NLRP13: variants seen among roughly 807,000 people sequenced by gnomAD.
The protein encoded by NLRP13 is NLR family pyrin domain containing 13.
Under a neutral mutation model 94.4 loss-of-function variants are expected in NLRP13, and 82 were observed. That is an observed-to-expected ratio of 0.87 (90% CI 0.73 to 1.04). The LOEUF is 1.04. Among genes scored for constraint, NLRP13 ranks in the 50% least tolerant of loss-of-function variants. The probability of loss-of-function intolerance (pLI) is 0.00; values close to 1 mark genes in which losing one functional copy is unlikely to be tolerated. For synonymous variants in NLRP13, 553 were observed against 464.7 expected, an observed-to-expected ratio of 1.19 and a Z score of -2.45; for missense variants, 1,426 against 1,230.8, an observed-to-expected ratio of 1.16 and a Z score of -2.37.
At position 55,912,815 on chromosome 19, in the gene NLRP13, G is replaced by A; in HGVS notation, c.1002C>T (p.Asp334=). 1.9e-6 allele frequency: 3 copies of A among 1,614,174 alleles called. No homozygotes were observed. In the South Asian group the frequency reaches 3.3e-5, roughly 18 times the overall value. Reference sequence around the variant, plus strand: ...TGGTCACTGGGAGCTCCTGGTACCAGTCTGTACATGGCGAGCCATCATCCA... The same window carrying A: ...TGGTCACTGGGAGCTCCTGGTACCAATCTGTACATGGCGAGCCATCATCCA... The part of the protein sequence containing the change: ...ESLDDGSPCT[D]WYQELPVTKI... Residue 334 remains aspartate (D), a synonymous_variant, in exon 5 of 11, where the codon GAC becomes GAT. Coordinates refer to ENST00000342929, the MANE Select transcript of NLRP13 (RefSeq NM_176810.2).
chr19:55,913,285 T>G lies in NLRP13; in HGVS notation c.532A>C (p.Arg178=). ...GCCTTCATGTTCTCTCTGTATTTTCTTCTGTGGTCTAGAGAGGGCGGAGTG... is the reference window on the plus strand; with the variant it reads ...GCCTTCATGTTCTCTCTGTATTTTCGTCTGTGGTCTAGAGAGGGCGGAGTG... ...PEMLEEADHR[R]KYRENMKAEL... is the part of the protein sequence containing the mutation. Residue 178 remains arginine (R), a synonymous_variant, in exon 5 of 11, where the codon AGA becomes CGA. Transcript: ENST00000342929. The G allele has an allele frequency of 1.2e-6, 2 of 1,613,760 alleles. No individual in the cohort carries two copies. Among genetic ancestry groups the G allele is most frequent in the South Asian group, 1.1e-5 (1 of 91,078 alleles).
rs533614313 is a variant in NLRP13 at position 55,920,050 on chromosome 19, C to T, written c.523+3864G>A. 7.2e-5 allele frequency among the ~76,000 whole-genome samples: 11 copies of T among 152,074 alleles called. No homozygotes were observed. In the East Asian group the frequency reaches 7.7e-4, roughly 11 times the overall value. On this transcript the variant is annotated intron_variant, in intron 4 of 10. Transcript: ENST00000342929. ...ATATACCTACAGCTAGCTGATCTTC[C>T]GCAAAGTCAATAAAAACACGCACTA...
intron 7 of NLRP13, among the ~76,000 whole-genome samples, chr19:55,907,417 C>A (rs113846171): frequency 0.018 from 2,755 of 151,918 alleles, 72 homozygotes; most frequent in African/African-American, 0.063. Flanking sequence ...ACAAAAAGTA[C>A]AAAAATTCAC....
At chr19:55,920,161 T>C (rs940420715) in intron 4 of NLRP13, among the ~76,000 whole-genome samples, 1 of 152,134 alleles carries the variant, frequency 6.6e-6, no homozygotes, top group Non-Finnish European at 1.5e-5. Context: ...TATCTCTCAC[T>C]ATATTCAAAA....
intron 7 of NLRP13, among the ~76,000 whole-genome samples, chr19:55,905,636 G>T (rs764388868): frequency 2.2e-4 from 34 of 151,990 alleles, no homozygotes; most frequent in Non-Finnish European, 4.0e-4. Flanking sequence ...CTGGGTGACA[G>T]AGGGAGACTC....
In NLRP13 at chr19:55,913,846, C is replaced by T. The variant is rs181253458; in HGVS notation, c.524-553G>A. Among the ~76,000 whole-genome samples the T allele has an allele frequency of 2.6e-5, 4 of 152,082 alleles. No individual in the cohort carries two copies. In the East Asian group the frequency reaches 7.8e-4, roughly 30 times the overall value. ...TGAGTGTGCCCACTCCATTGCCTGA[C>T]CAGCTCAGCACCCCAAAGACACCTT... On this transcript the variant is annotated intron_variant, in intron 4 of 10. Coordinates refer to ENST00000342929, the MANE Select transcript of NLRP13 (RefSeq NM_176810.2).
intron 4 of NLRP13, among the ~76,000 whole-genome samples, chr19:55,913,612 T>C (rs1600270554): frequency 7.4e-6 from 1 of 134,284 alleles, no homozygotes; most frequent in Non-Finnish European, 1.6e-5. Context: ...TGATGATATA[T>C]ACAAATGAAA....
At chr19:55,904,680 G>A (rs917546490) in intron 8 of NLRP13, among the ~76,000 whole-genome samples, 5 of 152,110 alleles carry the variant, frequency 3.3e-5, no homozygotes, top group Admixed American at 3.3e-4. Flanking sequence ...TCTGCTAGAA[G>A]CTCACATATG....
downstream of NLRP13, among the ~76,000 whole-genome samples, chr19:55,895,165 A>G (rs559776809): frequency 1.3e-5 from 2 of 150,064 alleles, no homozygotes; most frequent in South Asian, 2.1e-4. Context: ...GCGGGCCAAC[A>G]TGGTGAAACC....
intron 8 of NLRP13, among the ~76,000 whole-genome samples, chr19:55,903,452 C>T (rs989432926): frequency 2.0e-5 from 3 of 152,264 alleles, no homozygotes; most frequent in East Asian, 3.9e-4. Context: ...CAGAGCAGCA[C>T]GATGCAGCTA....
Position 55,911,976 on chromosome 19 carries a change from T to G in NLRP13, c.1841A>C (p.Glu614Ala), listed in dbSNP as rs763735166. The stretch of plus-strand genomic sequence containing the variant: ...CTCTTCTCCCCACTTTAATAATTCC[T>G]CCATTACCCTGGGAGATATTTTACA... ...LHCKISPRVM[E>A]ELLKWGEELG... The change falls in exon 5 of 11, where the codon GAG (glutamate) becomes GCG (alanine). Residue 614 changes from glutamate (E) to alanine (A), a missense_variant. Transcript: ENST00000342929. 1.9e-6 allele frequency: 3 copies of G among 1,614,196 alleles called. No individual in the cohort carries two copies. In the Admixed American group the frequency reaches 5.0e-5, roughly 27 times the overall value.
chr19:55,911,738 ACTG>A lies in NLRP13; in HGVS notation c.2076_2078del (p.Ser693del). On this transcript the variant is annotated inframe_deletion, in exon 5 of 11. Coordinates refer to ENST00000342929, the MANE Select transcript of NLRP13 (RefSeq NM_176810.2). ...TTTCCAAGTCCCTTTCAAGGATGTGACTGCTAACAGAAAGCCTTAGCTTATTTA... is the reference window on the plus strand; with the variant it reads ...TTTCCAAGTCCCTTTCAAGGATGTGACTAACAGAAAGCCTTAGCTTATTTA... 6.2e-7 allele frequency: 1 copy of A among 1,609,564 alleles called. No homozygotes were observed. The highest frequency in any genetic ancestry group is 8.5e-7 in the Non-Finnish European group (1 of 1,177,848).
intron 1 of NLRP13, among the ~76,000 whole-genome samples, chr19:55,930,514 C>T (rs1483499824): frequency 2.6e-5 from 4 of 151,636 alleles, no homozygotes; most frequent in Non-Finnish European, 1.5e-5. Flanking sequence ...GGCAAAACCC[C>T]GTCTCTACTA....
intron 7 of NLRP13, among the ~76,000 whole-genome samples, chr19:55,906,634 G>T (rs1463873022): frequency 6.6e-6 from 1 of 152,062 alleles, no homozygotes; most frequent in Non-Finnish European, 1.5e-5. Context: ...TGAGACTTGT[G>T]TTCTCAGTGA....
intron 1 of NLRP13, 133 bp from the exon 2 acceptor site, chr19:55,925,168 T>C: frequency 2.6e-6 from 2 of 769,964 alleles, no homozygotes; most frequent in Admixed American, 4.2e-5. Flanking sequence ...TCCAGTTTTC[T>C]CAAGCTCCAT....
chr19:55,932,041 T>C lies in NLRP13; in HGVS notation c.271A>G (p.Thr91Ala), dbSNP rs758262071. 3.1e-6 allele frequency: 5 copies of C among 1,614,076 alleles called. No homozygotes were observed. The highest frequency in any genetic ancestry group is 1.1e-5 in the South Asian group (1 of 91,070). ...TCACACAGTGAGGTCAGATTCATTG[T>C]CTGGAAGATGCCGAGGACCACTTTC... ...AWKVVLGIFQ[T>A]MNLTSLCEKV... The change falls in exon 1 of 11, where the codon ACA (threonine) becomes GCA (alanine). Residue 91 changes from threonine to alanine, a missense_variant. Coordinates refer to ENST00000342929, the MANE Select transcript of NLRP13 (RefSeq NM_176810.2).
intron 8 of NLRP13, among the ~76,000 whole-genome samples, chr19:55,904,259 G>A (rs570077713): frequency 7.3e-4 from 111 of 152,050 alleles, no homozygotes; most frequent in African/African-American, 2.6e-3. Context: ...CTAATTTTTT[G>A]TGTATCTTTA....
intron 7 of NLRP13, 89 bp from the exon 8 acceptor site, chr19:55,905,201 CA>C: frequency 7.4e-7 from 1 of 1,343,442 alleles, no homozygotes; most frequent in Non-Finnish European, 1.0e-6. Context: ...CCCCGAGACC[CA>C]AACATTATGG....
Position 55,912,212 on chromosome 19 carries a change from G to A in NLRP13, c.1605C>T (p.Thr535=), listed in dbSNP as rs1470758215. Residue 535 remains threonine (T), a synonymous_variant, in exon 5 of 11, where the codon ACC becomes ACT. Transcript: ENST00000342929. ...INDCGGCTTF[T]HLSFQEFFAA... ...CAAAAAACTCCTGGAAACTTAGGTGGGTGAAAGTAGTGCAACCCCCACAGT... is the reference window on the plus strand; with the variant it reads ...CAAAAAACTCCTGGAAACTTAGGTGAGTGAAAGTAGTGCAACCCCCACAGT... 5 of 1,613,994 alleles carry A rather than the reference G, an allele frequency of 3.1e-6. No individual in the cohort carries two copies. Among genetic ancestry groups the A allele is most frequent in the Admixed American group, 1.7e-5 (1 of 60,006 alleles).
Sources: gnomAD v4.1 joint callset for allele counts (sites outside exome capture counted in the v4.1 genomes callset) on GRCh38, gnomAD v4.1.1 for gene constraint, MANE v1.5 for transcripts, NCBI Gene and HGNC (gene_info 2026-07-23, HGNC 2026-07-21) for gene names.